Variants in ASCL1 observed in about 807,000 individuals in gnomAD.
The protein encoded by ASCL1 is achaete-scute family bHLH transcription factor 1.
ASCL1 carries 2 observed loss-of-function variants against 16.1 expected under a neutral mutation model. The ratio of observed to expected loss-of-function variants is 0.12; its 90% CI spans 0.05 to 0.39. The LOEUF (loss-of-function observed/expected upper bound fraction) is 0.39. Ranked by LOEUF, ASCL1 falls within the 10% of genes least tolerant of loss-of-function variation. The pLI is 0.99. For synonymous variants in ASCL1, 165 were observed against 155.7 expected (o/e 1.06, Z -0.45); for missense variants, 276 against 336.9 (o/e 0.82, Z 1.41).
At position 102,959,786 on chromosome 12, in the gene ASCL1, C is replaced by T. The variant is rs887724868; in HGVS notation, c.*472C>T. 1 of 152,200 alleles carries T rather than the reference C, an allele frequency of 6.6e-6. No individual in the cohort carries two copies. Among genetic ancestry groups the T allele is most frequent in the South Asian group, 2.1e-4 (1 of 4,814 alleles). 9.4% of individuals were successfully genotyped at this position (152,200 alleles called of 1,614,324 possible). A position where few individuals can be genotyped will look rare whatever the true frequency, so the allele number is the denominator to read the frequency against. Reference sequence around the variant, plus strand: ...AGTGCAGTTCTTAGCCCTCTAGAAACGAGTTGGTGTCTTTCGTCTCAGTAG... The same window carrying T: ...AGTGCAGTTCTTAGCCCTCTAGAAATGAGTTGGTGTCTTTCGTCTCAGTAG... On this transcript the variant is annotated 3_prime_UTR_variant, in exon 2 of 2. Coordinates refer to ENST00000266744, the MANE Select transcript of ASCL1 (RefSeq NM_004316.4).
Position 102,958,357 on chromosome 12 carries a change from C to T in ASCL1, c.113C>T (p.Ala38Val). The change falls in exon 1 of 2, where the codon GCG becomes GTG. Residue 38 changes from alanine (A) to valine (V), a missense_variant. Around this residue, in one of 3 missense-constraint regions of ASCL1, gnomAD observed 178 missense variants for 167.0 expected, o/e 1.07. Coordinates refer to ENST00000266744, the MANE Select transcript of ASCL1 (RefSeq NM_004316.4). ...TGTTTCTTTGCCACGGCCGCAGCCGCGGCGGCCGCAGCCGCCGCAGCGGCA... is the reference window on the plus strand; with the variant it reads ...TGTTTCTTTGCCACGGCCGCAGCCGTGGCGGCCGCAGCCGCCGCAGCGGCA... Reference protein sequence around the residue: ...AACFFATAAAAAAAAAAAAAQ... With the variant: ...AACFFATAAAVAAAAAAAAAQ... The T allele has an allele frequency of 7.0e-7, 1 of 1,428,570 alleles. No individual in the cohort carries two copies. Among genetic ancestry groups the T allele is most frequent in the Non-Finnish European group, 9.1e-7 (1 of 1,095,940 alleles). 88.5% of individuals were successfully genotyped at this position (1,428,570 alleles called of 1,614,324 possible).
At position 102,958,140 on chromosome 12, in the gene ASCL1, C is replaced by T; in HGVS notation, c.-105C>T. 1.3e-6 allele frequency: 1 copy of T among 797,614 alleles called. No individual in the cohort carries two copies. The highest frequency in any genetic ancestry group is 1.7e-6 in the Non-Finnish European group (1 of 571,934). The allele number at this position is 797,614 out of a possible 1,614,324, so 49.4% of individuals were successfully genotyped here. The stretch of plus-strand genomic sequence containing the variant: ...TCCCGCTTCATATTTCCTTTTCTTT[C>T]CCTCTCTGTTCCTGCACCCAAGTTC... On this transcript the variant is annotated 5_prime_UTR_variant, in exon 1 of 2. Coordinates refer to ENST00000266744, the MANE Select transcript of ASCL1 (RefSeq NM_004316.4).
rs771810003 is a variant in ASCL1, at chr12:102,958,562, C to T, written c.318C>T (p.Ser106=). Residue 106 remains serine (S), a synonymous_variant, in exon 1 of 2, where the codon AGC becomes AGT. Transcript: ENST00000266744. ...LMRCKRRLNF[S]GFGYSLPQQQ... is the part of the protein sequence containing the mutation. ...GCTGCAAACGCCGGCTCAACTTCAG[C>T]GGCTTTGGCTACAGCCTGCCGCAGC... The T allele has an allele frequency of 1.2e-6, 2 of 1,610,424 alleles. No homozygotes were observed. The highest frequency in any genetic ancestry group is 1.7e-6 in the Non-Finnish European group (2 of 1,178,546).
chr12:102,958,787 C>G lies in ASCL1; in HGVS notation c.543C>G (p.Ser181Arg). 6.2e-7 allele frequency: 1 copy of G among 1,614,058 alleles called. No individual in the cohort carries two copies. Among genetic ancestry groups the G allele is most frequent in the Non-Finnish European group, 8.5e-7 (1 of 1,179,980 alleles). The change falls in exon 1 of 2, where the codon AGC becomes AGG. Residue 181 changes from serine (S) to arginine (R), a missense_variant. Physicochemically the swap from Ser to Arg is moderately radical, Grantham distance 110. This residue lies in a region of ASCL1 where 68 missense variants were observed against 86.7 expected (regional missense o/e 0.78). Coordinates refer to ENST00000266744, the MANE Select transcript of ASCL1 (RefSeq NM_004316.4). ...QQLLDEHDAV[S>R]AAFQAGVLSP... is the part of the protein sequence containing the mutation. ...TGCTGGACGAGCATGACGCGGTGAG[C>G]GCCGCCTTCCAGGCAGGCGTCCTGT...
intron 1 of ASCL1, 50 bp downstream of exon 1, chr12:102,959,052 C>T: frequency 6.5e-7 from 1 of 1,550,144 alleles, no homozygotes; most frequent in South Asian, 1.2e-5. Flanking sequence ...CTTCGTCCTC[C>T]CTCTGAGTGT....
Position 102,958,234 on chromosome 12 carries a change from C to A in ASCL1, c.-11C>A. On this transcript the variant is annotated 5_prime_UTR_variant, in exon 1 of 2. Transcript: ENST00000266744. Reference sequence around the variant, plus strand: ...CGCTCTGATTCCGCGACTCCTTGGCCGCCGCTGCGCATGGAAAGCTCTGCC... The same window carrying A: ...CGCTCTGATTCCGCGACTCCTTGGCAGCCGCTGCGCATGGAAAGCTCTGCC... 6.8e-7 allele frequency: 1 copy of A among 1,460,820 alleles called. No individual in the cohort carries two copies. The allele number at this position is 1,460,820 out of a possible 1,614,324, so 90.5% of individuals were successfully genotyped here.
In ASCL1 at chr12:102,958,649, C is replaced by T. The variant is rs369335624; in HGVS notation, c.405C>T (p.Asn135=). The change falls in exon 1 of 2, where the codon AAC becomes AAT. Residue 135 remains asparagine, a synonymous_variant. Coordinates refer to ENST00000266744, the MANE Select transcript of ASCL1 (RefSeq NM_004316.4). The stretch of plus-strand genomic sequence containing the variant: ...AGCGCAACCGCGTCAAGTTGGTCAA[C>T]CTGGGCTTTGCCACCCTTCGGGAGC... ...ERERNRVKLV[N]LGFATLREHV... The T allele has an allele frequency of 6.8e-5, 110 of 1,613,772 alleles. No individual in the cohort carries two copies. Among genetic ancestry groups the T allele is most frequent in the Non-Finnish European group, 9.1e-5 (107 of 1,179,962 alleles).
chr12:102,958,904 C>T lies in ASCL1; in HGVS notation c.660C>T (p.Asp220=). The change falls in exon 1 of 2, where the codon GAC becomes GAT. Residue 220 remains aspartate (D), a synonymous_variant. Transcript: ENST00000266744. ...ACTCGTCGGACGAGGGCTCTTACGACCCGCTCAGCCCCGAGGAGCAGGAGC... is the reference window on the plus strand; with the variant it reads ...ACTCGTCGGACGAGGGCTCTTACGATCCGCTCAGCCCCGAGGAGCAGGAGC... ...SSYSSDEGSY[D]PLSPEEQELL... The T allele has an allele frequency of 6.2e-7, 1 of 1,613,872 alleles. No homozygotes were observed. The highest frequency in any genetic ancestry group is 8.5e-7 in the Non-Finnish European group (1 of 1,180,038).
At position 102,958,781 on chromosome 12, in the gene ASCL1, G is replaced by A. The variant is rs886801322; in HGVS notation, c.537G>A (p.Ala179=). 16 of 1,613,966 alleles carry A rather than the reference G, an allele frequency of 9.9e-6. No homozygotes were observed. Among genetic ancestry groups the A allele is most frequent in the Non-Finnish European group, 1.3e-5 (15 of 1,180,014 alleles). ...ALQQLLDEHD[A]VSAAFQAGVL... ...AGCAGCTGCTGGACGAGCATGACGCGGTGAGCGCCGCCTTCCAGGCAGGCG... is the reference window on the plus strand; with the variant it reads ...AGCAGCTGCTGGACGAGCATGACGCAGTGAGCGCCGCCTTCCAGGCAGGCG... The change falls in exon 1 of 2, where the codon GCG becomes GCA. Residue 179 remains alanine, a synonymous_variant. Transcript: ENST00000266744.
chr12:102,959,430 G>A lies in ASCL1; in HGVS notation c.*116G>A, dbSNP rs201782228. The A allele has an allele frequency of 4.6e-5, 7 of 152,176 alleles. No individual in the cohort carries two copies. Among genetic ancestry groups the A allele is most frequent in the South Asian group, 2.1e-4 (1 of 4,796 alleles). The allele number at this position is 152,176 out of a possible 1,614,324, so 9.4% of individuals were successfully genotyped here. A position where few individuals can be genotyped will look rare whatever the true frequency, so the allele number is the denominator to read the frequency against. On this transcript the variant is annotated 3_prime_UTR_variant, in exon 2 of 2. Transcript: ENST00000266744. ...CGTTGGGAGGGGGAGAAAAGGAAAA[G>A]AAAAAAAAAAGAAGAAGAAGAAGAA...
chr12:102,959,027 G>C (rs1880034873), intron 1 of ASCL1, 25 bp downstream of exon 1: 5 of 1,601,870 alleles, frequency 3.1e-6, no homozygotes, highest in Non-Finnish European at 8.5e-7. Flanking sequence ...GGGGTGGGCA[G>C]GGGGGTATTC....
chr12:102,958,917 G>T lies in ASCL1; in HGVS notation c.673G>T (p.Glu225Ter). 1 of 1,613,844 alleles carries T rather than the reference G, an allele frequency of 6.2e-7. No individual in the cohort carries two copies. The change falls in exon 1 of 2, where the codon GAG (glutamate) becomes TAG (stop). Residue 225 changes from glutamate (E) to a stop codon, truncating the protein, a stop_gained. Transcript: ENST00000266744. LOFTEE classifies it high-confidence loss of function. The part of the protein sequence containing the change: ...DEGSYDPLSP[E>*]EQELLDFTNW... ...GGGCTCTTACGACCCGCTCAGCCCC[G>T]AGGAGCAGGAGCTTCTCGACTTCAC...
rs761769509 is a variant in ASCL1, at chr12:102,958,581, C to G, written c.337C>G (p.Pro113Ala). ...CTTCAGCGGCTTTGGCTACAGCCTG[C>G]CGCAGCAGCAGCCGGCCGCCGTGGC... ...LNFSGFGYSL[P>A]QQQPAAVARR... The change falls in exon 1 of 2, where the codon CCG becomes GCG. Residue 113 changes from proline to alanine, a missense_variant. By Grantham distance (27) the Pro-to-Ala change is conservative. This residue lies in a region of ASCL1 where 178 missense variants were observed against 167.0 expected (regional missense o/e 1.07). Coordinates refer to ENST00000266744, the MANE Select transcript of ASCL1 (RefSeq NM_004316.4). 4.3e-6 allele frequency: 7 copies of G among 1,609,632 alleles called. No individual in the cohort carries two copies. The South Asian group carries it at 7.7e-5, about 18-fold the overall frequency.
chr12:102,958,450 C>T lies in ASCL1; in HGVS notation c.206C>T (p.Ala69Val), dbSNP rs1243697896. 4.5e-6 allele frequency: 7 copies of T among 1,557,646 alleles called. No individual in the cohort carries two copies. The highest frequency in any genetic ancestry group is 4.8e-5 in the East Asian group (2 of 41,322). ...CAGCAGGCGCCGCAGCTGAGACCGG[C>T]GGCCGACGGCCAGCCCTCAGGGGGC... Reference protein sequence around the residue: ...QQQQAPQLRPAADGQPSGGGH... With the variant: ...QQQQAPQLRPVADGQPSGGGH... Residue 69 changes from alanine (A) to valine (V), a missense_variant, in exon 1 of 2, where the codon GCG becomes GTG. Ala to Val is a moderately conservative substitution (Grantham distance 64). Coordinates refer to ENST00000266744, the MANE Select transcript of ASCL1 (RefSeq NM_004316.4).
chr12:102,958,298 G>A lies in ASCL1; in HGVS notation c.54G>A (p.Pro18=). 5.4e-6 allele frequency: 8 copies of A among 1,475,812 alleles called. No homozygotes were observed. The highest frequency in any genetic ancestry group is 7.1e-6 in the Non-Finnish European group (8 of 1,118,972). 91.4% of individuals were successfully genotyped at this position (1,475,812 alleles called of 1,614,324 possible). A position where few individuals can be genotyped will look rare whatever the true frequency, so the allele number is the denominator to read the frequency against. ...ESGGAGQQPQ[P]QPQQPFLPPA... ...GCGGCGCCGGCCAGCAGCCCCAGCC[G>A]CAGCCCCAGCAGCCCTTCCTGCCGC... Residue 18 remains proline (P), a synonymous_variant, in exon 1 of 2, where the codon CCG becomes CCA. Transcript: ENST00000266744.
chr12:102,958,808 C>T lies in ASCL1; in HGVS notation c.564C>T (p.Val188=). ...TGAGCGCCGCCTTCCAGGCAGGCGT[C>T]CTGTCGCCCACCATCTCCCCCAACT... ...DAVSAAFQAG[V]LSPTISPNYS... The change falls in exon 1 of 2, where the codon GTC becomes GTT. Residue 188 remains valine, a synonymous_variant. Transcript: ENST00000266744. The T allele has an allele frequency of 6.2e-7, 1 of 1,613,958 alleles. No individual in the cohort carries two copies. The highest frequency in any genetic ancestry group is 1.7e-5 in the Admixed American group (1 of 60,028).
In ASCL1 at chr12:102,958,594, C is replaced by G; in HGVS notation, c.350C>G (p.Pro117Arg). 6.2e-7 allele frequency: 1 copy of G among 1,610,122 alleles called. No homozygotes were observed. Among genetic ancestry groups the G allele is most frequent in the East Asian group, 2.2e-5 (1 of 44,778 alleles). ...GFGYSLPQQQ[P>R]AAVARRNERE... Reference sequence around the variant, plus strand: ...GGCTACAGCCTGCCGCAGCAGCAGCCGGCCGCCGTGGCGCGCCGCAACGAG... The same window carrying G: ...GGCTACAGCCTGCCGCAGCAGCAGCGGGCCGCCGTGGCGCGCCGCAACGAG... The change falls in exon 1 of 2, where the codon CCG becomes CGG. Residue 117 changes from proline (P) to arginine (R), a missense_variant. Physicochemically the swap from Pro to Arg is moderately radical, Grantham distance 103. Around this residue, in one of 3 missense-constraint regions of ASCL1, gnomAD observed 178 missense variants for 167.0 expected, o/e 1.07. Coordinates refer to ENST00000266744, the MANE Select transcript of ASCL1 (RefSeq NM_004316.4).
At chr12:102,959,147 T>G in intron 1 of ASCL1, 145 bp downstream of exon 1, 4 of 1,023,224 alleles carry the variant, frequency 3.9e-6, no homozygotes, top group Non-Finnish European at 5.6e-6. Flanking sequence ...AAGTCCTAGT[T>G]TGTTAGTTTC....
At position 102,958,274 on chromosome 12, in the gene ASCL1, C is replaced by T. The variant is rs751356167; in HGVS notation, c.30C>T (p.Gly10=). MESSAKMES[G]GAGQQPQPQP... ...AAAGCTCTGCCAAGATGGAGAGCGGCGGCGCCGGCCAGCAGCCCCAGCCGC... is the reference window on the plus strand; with the variant it reads ...AAAGCTCTGCCAAGATGGAGAGCGGTGGCGCCGGCCAGCAGCCCCAGCCGC... The change falls in exon 1 of 2, where the codon GGC becomes GGT. Residue 10 remains glycine, a synonymous_variant. Coordinates refer to ENST00000266744, the MANE Select transcript of ASCL1 (RefSeq NM_004316.4). 8.5e-5 allele frequency: 125 copies of T among 1,474,122 alleles called. No individual in the cohort carries two copies. The highest frequency in any genetic ancestry group is 1.0e-4 in the Non-Finnish European group (117 of 1,117,464). The allele number at this position is 1,474,122 out of a possible 1,614,324, so 91.3% of individuals were successfully genotyped here. A position where few individuals can be genotyped will look rare whatever the true frequency, so the allele number is the denominator to read the frequency against.
Sources: allele counts gnomAD v4.1 joint callset, GRCh38; gene constraint gnomAD v4.1.1; regional missense constraint gnomAD v4.1.1; transcripts MANE v1.5; gene names NCBI Gene and HGNC (gene_info 2026-07-23, HGNC 2026-07-21).